MMEL1: variants seen among roughly 807,000 people sequenced by gnomAD.
MMEL1 encodes the protein membrane metalloendopeptidase like 1.
Under a neutral mutation model 117.1 loss-of-function variants are expected in MMEL1, and 98 were observed. That is an observed-to-expected ratio of 0.84 (90% confidence interval 0.71 to 0.99). The LOEUF is 0.99. MMEL1 is among the 50% of genes least tolerant of loss of function. The pLI, the probability that MMEL1 is intolerant of heterozygous loss-of-function variation, is 0.00. For synonymous variants in MMEL1, 390 were observed against 415.1 expected (o/e 0.94, Z 0.74); for missense variants, 1,014 against 1,049.1 (o/e 0.97, Z 0.46).
chr1:2,621,899 G>A (rs866658398), intron 2 of MMEL1, among the ~76,000 whole-genome samples: 7 of 152,164 alleles, frequency 4.6e-5, no homozygotes, highest in Non-Finnish European at 5.9e-5. Flanking sequence ...TATGTTTCCC[G>A]AAAATGTGTA....
chr1:2,606,214 C>T (rs755884733), intron 8 of MMEL1, 34 bp downstream of exon 8: 1 of 1,568,562 alleles, frequency 6.4e-7, no homozygotes, highest in South Asian at 1.1e-5. Flanking sequence ...GCTTGGGGAC[C>T]CTGCCTACCC....
intron 4 of MMEL1, 80 bp downstream of exon 4, chr1:2,611,201 T>C (rs550319827): frequency 6.3e-6 from 9 of 1,419,176 alleles, no homozygotes; most frequent in Non-Finnish European, 8.7e-6. Flanking sequence ...TCCCTGGGCC[T>C]TGGGCGGGGC....
chr1:2,596,747 G>T (rs535402049), intron 13 of MMEL1, 58 bp from the exon 14 acceptor site: 2 of 1,599,282 alleles, frequency 1.3e-6, no homozygotes, highest in Non-Finnish European at 1.7e-6. Context: ...CAGGCCTGGC[G>T]TGGGGCCCTG....
At chr1:2,611,413 G>A (rs1054234500) in intron 3 of MMEL1, 73 bp from the exon 4 acceptor site, 12 of 1,192,004 alleles carry the variant, frequency 1.0e-5, no homozygotes, top group African/African-American at 8.0e-5. Context: ...GGTGTGGGCG[G>A]GGCAAGGTCT....
At chr1:2,605,287 G>C (rs540104771) in intron 9 of MMEL1, among the ~76,000 whole-genome samples, 1 of 152,204 alleles carries the variant, frequency 6.6e-6, no homozygotes, top group Non-Finnish European at 1.5e-5. Context: ...CTGTACTGAC[G>C]GGAGGGGGAT....
At chr1:2,625,108 A>G (rs1477163236) in intron 2 of MMEL1, among the ~76,000 whole-genome samples, 2 of 152,152 alleles carry the variant, frequency 1.3e-5, no homozygotes, top group African/African-American at 4.8e-5. Flanking sequence ...TTGGGTGGGG[A>G]CGCAGAGCCA....
intron 10 of MMEL1, 80 bp downstream of exon 10, chr1:2,604,067 C>T: frequency 6.3e-6 from 10 of 1,575,216 alleles, no homozygotes; most frequent in South Asian, 1.1e-5. Flanking sequence ...CACCCAGCAC[C>T]CCCTCACCTT....
intron 6 of MMEL1, among the ~76,000 whole-genome samples, chr1:2,608,507 CAT>C (rs139100157): frequency 0.4 from 60,505 of 151,728 alleles, 12,799 homozygotes; most frequent in African/African-American, 0.52. Flanking sequence ...TGTATACACA[CAT>C]AACACATATA....
At position 2,596,612 on chromosome 1, in the gene MMEL1, G is replaced by C; in HGVS notation, c.1350C>G (p.Ala450=). The C allele has an allele frequency of 1.4e-5, 23 of 1,613,024 alleles. No individual in the cohort carries two copies. Among genetic ancestry groups the C allele is most frequent in the Non-Finnish European group, 1.9e-5 (23 of 1,179,844 alleles). The stretch of plus-strand genomic sequence containing the variant: ...CCTCCCTGACGTAGAGGGAGCCCAC[G>C]GCGTTCTCCATGTTGCTGTTGACGT... ...VGYVNSNMEN[A]VGSLYVREAF... Residue 450 remains alanine (A), a synonymous_variant, in exon 14 of 24, where the codon GCC becomes GCG. Transcript: ENST00000378412.
chr1:2,591,710 C>T (rs1644716090), intron 22 of MMEL1, 77 bp from the exon 23 acceptor site: 30 of 1,180,532 alleles, frequency 2.5e-5, no homozygotes, highest in African/African-American at 4.5e-5. Context: ...TCTCCACTAT[C>T]CCCAGGCTGC....
At chr1:2,629,859 T>A in intron 1 of MMEL1, 1 of 191,734 alleles carries the variant, frequency 5.2e-6, no homozygotes. Context: ...GTCTTGGAGC[T>A]GTGGGCCTGA....
At chr1:2,598,571 C>T in intron 12 of MMEL1, 83 bp downstream of exon 12, 1 of 1,586,096 alleles carries the variant, frequency 6.3e-7, no homozygotes, top group Non-Finnish European at 8.6e-7. Flanking sequence ...GGGTCCCCTC[C>T]TGGGAGCAGA....
intron 13 of MMEL1, among the ~76,000 whole-genome samples, chr1:2,597,026 C>T (rs113641342): frequency 6.5e-4 from 99 of 152,204 alleles, no homozygotes; most frequent in African/African-American, 2.3e-3. Context: ...ACAGGGCTGG[C>T]GCTGACCCCA....
chr1:2,596,438 C>G, intron 14 of MMEL1, 123 bp downstream of exon 14: 2 of 1,389,924 alleles, frequency 1.4e-6, no homozygotes, highest in South Asian at 2.7e-5. Context: ...CTTAGCCTCC[C>G]TCTGTCTGGT....
chr1:2,622,721 C>A (rs546201540), intron 2 of MMEL1, among the ~76,000 whole-genome samples: 1 of 152,142 alleles, frequency 6.6e-6, no homozygotes, highest in South Asian at 2.1e-4. Flanking sequence ...CCCATCTCTA[C>A]TAAAAATACA....
intron 7 of MMEL1, among the ~76,000 whole-genome samples, chr1:2,606,769 C>T (rs540451504): frequency 9.9e-5 from 15 of 152,134 alleles, no homozygotes; most frequent in Non-Finnish European, 1.6e-4. Context: ...GGACTGGCCA[C>T]GGGGCACCAA....
Position 2,595,459 on chromosome 1 carries a change from G to T in MMEL1, c.1501-100C>A, listed in dbSNP as rs904273634. ...GCCACACTGTGGGAGGGGTCAGCCC[G>T]GGGCATCCTGGCTGTGCTCTCCCTG... On this transcript the variant is annotated intron_variant, in intron 15 of 23. Transcript: ENST00000378412. The surrounding 1 kb of genome is among the most constrained non-coding windows in gnomAD (Gnocchi z 4.8). 6.9e-5 allele frequency: 68 copies of T among 983,846 alleles called. No homozygotes were observed. In the African/African-American group the frequency reaches 9.2e-4, roughly 13 times the overall value. 60.9% of individuals were successfully genotyped at this position (983,846 alleles called of 1,614,324 possible).
intron 7 of MMEL1, among the ~76,000 whole-genome samples, chr1:2,606,611 G>A (rs975884628): frequency 4.6e-5 from 7 of 152,164 alleles, no homozygotes; most frequent in East Asian, 3.8e-4. Context: ...TGCCAGCCAC[G>A]TGAGGTGCCA....
intron 4 of MMEL1, among the ~76,000 whole-genome samples, chr1:2,610,536 C>A (rs918823071): frequency 1.6e-4 from 24 of 152,246 alleles, no homozygotes; most frequent in Admixed American, 1.4e-3. Flanking sequence ...CCTTTCTGTT[C>A]TGACTCTGCC....
Sources: allele counts gnomAD v4.1 joint callset (sites outside exome capture counted in the v4.1 genomes callset), GRCh38; gene constraint gnomAD v4.1.1; non-coding constraint Gnocchi (gnomAD v3.1); transcripts MANE v1.5; gene names NCBI Gene and HGNC (gene_info 2026-07-23, HGNC 2026-07-21).